TRAF5: variants seen among roughly 807,000 people sequenced by gnomAD.
The protein encoded by TRAF5 is TNF receptor associated factor 5, also known as TNF receptor-associated factor 5.
TRAF5 carries 48 observed loss-of-function variants against 64.5 expected under a neutral mutation model. The observed-to-expected ratio is 0.74, with a 90% CI of 0.59 to 0.95. TRAF5 has a LOEUF of 0.95. TRAF5 is among the 40% of genes least tolerant of loss of function. The pLI is 0.00. For synonymous variants in TRAF5, 206 were observed against 240.5 expected, an observed-to-expected ratio of 0.86 and a Z score of 1.33; for missense variants, 545 against 662.8, an observed-to-expected ratio of 0.82 and a Z score of 1.95.
intron 1 of TRAF5, among the ~76,000 whole-genome samples, chr1:211,330,436 G>A (rs146256822): frequency 2.7e-5 from 4 of 149,390 alleles, no homozygotes; most frequent in Non-Finnish European, 5.9e-5. Flanking sequence ...CCTTTTCCAC[G>A]TACACTCCCA....
chr1:211,371,279 G>T, intron 9 of TRAF5, 23 bp from the exon 10 acceptor site: 1 of 1,560,582 alleles, frequency 6.4e-7, no homozygotes, highest in South Asian at 1.2e-5. Context: ...TTTTAAACAT[G>T]ATTATCCATT....
At chr1:211,360,242 A>G (rs968354993) in intron 5 of TRAF5, 166 bp downstream of exon 5, 1 of 685,974 alleles carries the variant, frequency 1.5e-6, no homozygotes, top group East Asian at 2.8e-5. Flanking sequence ...AAAGCTTAAA[A>G]CCTTCTTGTT....
At chr1:211,359,873 G>A in intron 4 of TRAF5, 39 bp from the exon 5 acceptor site, 1 of 1,612,048 alleles carries the variant, frequency 6.2e-7, no homozygotes, top group Non-Finnish European at 8.5e-7. Context: ...CTACCACCCT[G>A]GTCAGCAGGT....
intron 4 of TRAF5, 120 bp from the exon 5 acceptor site, chr1:211,359,792 G>T: frequency 8.2e-7 from 1 of 1,212,554 alleles, no homozygotes; most frequent in East Asian, 2.4e-5. Context: ...GCCTTGCCCT[G>T]TGCAAGCCTT....
Position 211,356,460 on chromosome 1 carries a change from C to T in TRAF5, c.370C>T (p.Arg124Trp), listed in dbSNP as rs778065578. The change falls in exon 4 of 11, where the codon CGG becomes TGG. Residue 124 changes from arginine to tryptophan, a missense_variant. Arg to Trp is a moderately radical substitution (Grantham distance 101). Transcript: ENST00000261464. Reference protein sequence around the residue: ...PGCNAKVILGRYQDHLQQCLF... With the variant: ...PGCNAKVILGWYQDHLQQCLF... ...ATGTAATGCCAAGGTTATTCTGGGCCGGTACCAGGTTGGTATTACTCATGA... is the reference window on the plus strand; with the variant it reads ...ATGTAATGCCAAGGTTATTCTGGGCTGGTACCAGGTTGGTATTACTCATGA... 3.5e-5 allele frequency: 56 copies of T among 1,613,746 alleles called. 1 individual carries two copies. The highest frequency in any genetic ancestry group is 1.9e-4 in the South Asian group (17 of 91,074).
intron 7 of TRAF5, 100 bp downstream of exon 7, chr1:211,361,262 A>G: frequency 9.3e-7 from 1 of 1,078,952 alleles, no homozygotes; most frequent in South Asian, 1.4e-5. Context: ...AGAAAGACAT[A>G]CAGTTCTGAG....
Position 211,353,452 on chromosome 1 carries a change from C to G in TRAF5, c.213C>G (p.Ser71=). ...GHRFCQHCIL[S]LRELNTVPIC... The stretch of plus-strand genomic sequence containing the variant: ...GCTTCTGCCAGCACTGCATCCTGTC[C>G]CTGAGGTGAGTGGGCAGGGCCTGCA... Residue 71 remains serine, a synonymous_variant, in exon 2 of 11, where the codon TCC becomes TCG. Coordinates refer to ENST00000261464, the MANE Select transcript of TRAF5 (RefSeq NM_001033910.3). The G allele has an allele frequency of 6.2e-7, 1 of 1,612,262 alleles. No individual in the cohort carries two copies. The highest frequency in any genetic ancestry group is 8.5e-7 in the Non-Finnish European group (1 of 1,179,620).
Position 211,337,933 on chromosome 1 carries a change from CAG to C in TRAF5, c.-2+11045_-2+11046del, listed in dbSNP as rs1409955403. On this transcript the variant is annotated intron_variant, in intron 1 of 10. Transcript: ENST00000261464. ...TAAACAGTGGAGTGTGTCTGGGGCT[CAG>C]GGGAGAGGTCCAGATTGCAGATAGA... is the stretch of plus-strand genomic sequence containing the variant. Among the ~76,000 whole-genome samples, 5 of 152,230 alleles carry C rather than the reference CAG, an allele frequency of 3.3e-5. No homozygotes were observed. The South Asian group carries it at 6.2e-4, about 19-fold the overall frequency.
At chr1:211,337,053 G>A (rs1702319432) in intron 1 of TRAF5, among the ~76,000 whole-genome samples, 1 of 152,258 alleles carries the variant, frequency 6.6e-6, no homozygotes, top group Admixed American at 6.5e-5. Context: ...TTTATGTGTT[G>A]GGACTTCAGT....
intron 1 of TRAF5, among the ~76,000 whole-genome samples, chr1:211,339,796 GC>G (rs1226516793): frequency 6.6e-6 from 1 of 152,246 alleles, no homozygotes; most frequent in African/African-American, 2.4e-5. Context: ...CTGGGCCAGA[GC>G]TGGCCTTGCT....
intron 1 of TRAF5, among the ~76,000 whole-genome samples, chr1:211,336,849 G>A (rs1415094709): frequency 1.3e-5 from 2 of 152,180 alleles, no homozygotes; most frequent in African/African-American, 2.4e-5. Context: ...TGGTAGAGAC[G>A]GGTTTCACCA....
intron 4 of TRAF5, chr1:211,358,561 T>A (rs1377637362): frequency 6.7e-6 from 1 of 150,008 alleles, no homozygotes; most frequent in Non-Finnish European, 1.5e-5. Flanking sequence ...ATACAAAAAT[T>A]AGCTGGGTGT....
rs529410316 is a variant in TRAF5 at position 211,369,314 on chromosome 1, C to G, written c.790-138C>G. ...TCCTATAATTATGTAGGAATCTACCCTGTAAATATTTTCCTAGAAATAAAT... is the reference window on the plus strand; with the variant it reads ...TCCTATAATTATGTAGGAATCTACCGTGTAAATATTTTCCTAGAAATAAAT... On this transcript the variant is annotated intron_variant, in intron 8 of 10. Transcript: ENST00000261464. The G allele has an allele frequency of 5.0e-6, 4 of 803,118 alleles. No individual in the cohort carries two copies. In the African/African-American group the frequency reaches 5.4e-5, roughly 11 times the overall value. 49.7% of individuals were successfully genotyped at this position (803,118 alleles called of 1,614,324 possible).
chr1:211,342,638 C>A (rs1702479440), intron 1 of TRAF5, among the ~76,000 whole-genome samples: 1 of 152,186 alleles, frequency 6.6e-6, no homozygotes, highest in South Asian at 2.1e-4. Flanking sequence ...CTCTACCCAA[C>A]ACTTCCCCCA....
chr1:211,330,662 G>A (rs886528173), intron 1 of TRAF5, among the ~76,000 whole-genome samples: 2 of 152,186 alleles, frequency 1.3e-5, no homozygotes, highest in African/African-American at 4.8e-5. Context: ...GCGCTGCTCT[G>A]ATTGTCCTGT....
At chr1:211,367,891 T>C (rs1703405511) in intron 8 of TRAF5, among the ~76,000 whole-genome samples, 3 of 152,098 alleles carry the variant, frequency 2.0e-5, no homozygotes. Flanking sequence ...AAGAAATAAA[T>C]GAGATGTAGT....
chr1:211,351,899 A>G (rs1166780414), intron 1 of TRAF5, among the ~76,000 whole-genome samples: 1 of 152,174 alleles, frequency 6.6e-6, no homozygotes. Flanking sequence ...GAGTAGTGTT[A>G]GTCCTCCAGC....
chr1:211,351,476 G>A (rs570140111), intron 1 of TRAF5, among the ~76,000 whole-genome samples: 2 of 151,964 alleles, frequency 1.3e-5, no homozygotes, highest in East Asian at 1.9e-4. Context: ...ACAAACATTC[G>A]ATCTACCGCA....
chr1:211,364,548 T>C (rs1403217060), intron 7 of TRAF5, among the ~76,000 whole-genome samples: 1 of 151,946 alleles, frequency 6.6e-6, no homozygotes, highest in Non-Finnish European at 1.5e-5. Flanking sequence ...TAGCCAGGCA[T>C]GGTGGCATGT....
Sources: gnomAD v4.1 joint callset for allele counts (sites outside exome capture counted in the v4.1 genomes callset) on GRCh38, gnomAD v4.1.1 for gene constraint, MANE v1.5 for transcripts, NCBI Gene and HGNC (gene_info 2026-07-23, HGNC 2026-07-21) for gene names.